The following RPH3A variants were observed in gnomAD, a reference collection of about 807,000 sequenced individuals.
RPH3A encodes rabphilin 3A, also known as rabphilin-3A.
In RPH3A, 48 loss-of-function variants were observed where a neutral mutation model predicts 102.2. The observed-to-expected ratio is 0.47, with a 90% confidence interval of 0.37 to 0.60. The LOEUF (loss-of-function observed/expected upper bound fraction) is 0.60. Among genes scored for constraint, RPH3A ranks in the 20% least tolerant of loss-of-function variants. RPH3A has a pLI of 0.00. For synonymous variants in RPH3A, 310 were observed against 324.3 expected, an observed-to-expected ratio of 0.96 and a Z score of 0.47; for missense variants, 781 against 910.1, an observed-to-expected ratio of 0.86 and a Z score of 1.83.
chr12:112,781,184 A>G (rs2041004601), intron 1 of RPH3A, among the ~76,000 whole-genome samples: 1 of 116,730 alleles, frequency 8.6e-6, no homozygotes, highest in Non-Finnish European at 1.8e-5. Context: ...AAACAAACAA[A>G]AAAACCAAAA....
intron 11 of RPH3A, 144 bp from the exon 12 acceptor site, chr12:112,875,535 C>A: frequency 3.0e-6 from 2 of 670,062 alleles, no homozygotes; most frequent in South Asian, 3.8e-5. Context: ...AAGCTCCTCT[C>A]CCAGTGGGAC....
At chr12:112,596,720 A>C (rs1331615036) in intron 1 of RPH3A, among the ~76,000 whole-genome samples, 1 of 152,174 alleles carries the variant, frequency 6.6e-6, no homozygotes, top group Non-Finnish European at 1.5e-5. Flanking sequence ...TATCTATATA[A>C]ATTTTAGAAT....
At chr12:112,678,309 GAGAGAGAGAAAGAAA>G (rs1376647437) in intron 1 of RPH3A, among the ~76,000 whole-genome samples, 3 of 120,620 alleles carry the variant, frequency 2.5e-5, no homozygotes, top group Admixed American at 1.5e-4. Flanking sequence ...AAGAAAGAGA[GAGAGAGAGAAAGAAA>G]GAAAGAAGGA....
intron 1 of RPH3A, among the ~76,000 whole-genome samples, chr12:112,738,825 C>T (rs1195323987): frequency 6.6e-6 from 1 of 152,186 alleles, no homozygotes; most frequent in East Asian, 1.9e-4. Flanking sequence ...TCCCTTTTGC[C>T]TTCCAAACCA....
At chr12:112,796,981 T>C (rs751106222) in intron 2 of RPH3A, among the ~76,000 whole-genome samples, 3 of 151,836 alleles carry the variant, frequency 2.0e-5, no homozygotes, top group Admixed American at 1.3e-4. Flanking sequence ...ACCCGGGAGA[T>C]AGAGGTTACA....
chr12:112,756,732 C>G (rs1026746116), intron 1 of RPH3A, among the ~76,000 whole-genome samples: 3 of 152,120 alleles, frequency 2.0e-5, no homozygotes, highest in Non-Finnish European at 2.9e-5. Context: ...TCATTTTGTG[C>G]AAGTCCAAAC....
intron 3 of RPH3A, among the ~76,000 whole-genome samples, chr12:112,829,267 C>CTT (rs11299010): frequency 2.0e-5 from 3 of 148,288 alleles, no homozygotes; most frequent in African/African-American, 7.4e-5. Context: ...AAGAGAAAGG[C>CTT]TTTTTTTTTT....
chr12:112,877,580 G>A (rs551854283), intron 13 of RPH3A, among the ~76,000 whole-genome samples: 2 of 152,034 alleles, frequency 1.3e-5, no homozygotes, highest in South Asian at 4.2e-4. Context: ...ATTACCAGTT[G>A]TTTCTGATCA....
intron 1 of RPH3A, among the ~76,000 whole-genome samples, chr12:112,742,505 G>A (rs1271689749): frequency 6.6e-6 from 1 of 152,154 alleles, no homozygotes; most frequent in African/African-American, 2.4e-5. Flanking sequence ...TGAGATTGAT[G>A]AGAGCTGAGG....
intron 1 of RPH3A, among the ~76,000 whole-genome samples, chr12:112,641,093 TCTC>T (rs1392231554): frequency 6.6e-6 from 1 of 152,186 alleles, no homozygotes; most frequent in Non-Finnish European, 1.5e-5. Flanking sequence ...TGGCCATAAA[TCTC>T]CTAATCAGAC....
At chr12:112,802,727 C>T (rs1188134418) in intron 2 of RPH3A, among the ~76,000 whole-genome samples, 2 of 151,924 alleles carry the variant, frequency 1.3e-5, no homozygotes, top group East Asian at 1.9e-4. Context: ...GTGGAGAGAC[C>T]CTGCTCCCAT....
At chr12:112,836,805 T>C (rs1009143872) in intron 4 of RPH3A, among the ~76,000 whole-genome samples, 4 of 152,236 alleles carry the variant, frequency 2.6e-5, no homozygotes, top group Non-Finnish European at 4.4e-5. Context: ...AGTGCCCTTG[T>C]TTCTGCAGCA....
Position 112,847,729 on chromosome 12 carries a change from T to G in RPH3A, c.117T>G (p.Gly39=). 1 of 1,614,154 alleles carries G rather than the reference T, an allele frequency of 6.2e-7. No individual in the cohort carries two copies. Among genetic ancestry groups the G allele is most frequent in the Non-Finnish European group, 8.5e-7 (1 of 1,180,018 alleles). ...CAGGCTGGTCCGTCCACCCCGGTGGTCAGCCTGACAGGCAGAGGAAGCAGG... is the reference window on the plus strand; with the variant it reads ...CAGGCTGGTCCGTCCACCCCGGTGGGCAGCCTGACAGGCAGAGGAAGCAGG... ...LQAGWSVHPG[G]QPDRQRKQEE... The change falls in exon 5 of 22, where the codon GGT becomes GGG. Residue 39 remains glycine (G), a synonymous_variant. Transcript: ENST00000389385.
At chr12:112,722,107 G>GA (rs2040555752) in intron 1 of RPH3A, among the ~76,000 whole-genome samples, 1 of 152,208 alleles carries the variant, frequency 6.6e-6, no homozygotes, top group South Asian at 2.1e-4. Context: ...CATTTACAGA[G>GA]GAGAAGACTC....
rs577395379 is a variant in RPH3A, at chr12:112,845,850, G to C, written c.84-1846G>C. ...AAAATTTAAAAGATAACTTCAGCTA[G>C]AGATGGGTGCAATGGAGAAAGTGAA... On this transcript the variant is annotated intron_variant, in intron 4 of 21. Coordinates refer to ENST00000389385, the MANE Select transcript of RPH3A (RefSeq NM_001143854.2). 7.2e-5 allele frequency among the ~76,000 whole-genome samples: 11 copies of C among 152,276 alleles called. No homozygotes were observed. In the South Asian group the frequency reaches 1.7e-3, roughly 23 times the overall value.
intron 5 of RPH3A, among the ~76,000 whole-genome samples, chr12:112,851,089 C>T (rs1481100179): frequency 6.6e-6 from 1 of 152,198 alleles, no homozygotes; most frequent in Non-Finnish European, 1.5e-5. Context: ...TATGAAATCA[C>T]TGTTGATAAA....
chr12:112,866,871 A>T (rs753660234), intron 7 of RPH3A, 31 bp downstream of exon 7: 65 of 1,561,634 alleles, frequency 4.2e-5, no homozygotes, highest in Non-Finnish European at 5.4e-5. Flanking sequence ...TGGTGCCTAG[A>T]TCACCCTCCT....
chr12:112,666,263 G>A (rs1411490672), intron 1 of RPH3A, among the ~76,000 whole-genome samples: 1 of 152,182 alleles, frequency 6.6e-6, no homozygotes, highest in African/African-American at 2.4e-5. Flanking sequence ...TGTGGTGCCA[G>A]GGGCATTTTA....
At chr12:112,602,229 G>A (rs1352340967) in intron 1 of RPH3A, among the ~76,000 whole-genome samples, 3 of 152,098 alleles carry the variant, frequency 2.0e-5, no homozygotes, top group Non-Finnish European at 4.4e-5. Context: ...CTTTAACCAA[G>A]TCCTTTAACC....
Sources: allele counts gnomAD v4.1 joint callset (sites outside exome capture counted in the v4.1 genomes callset), GRCh38; gene constraint gnomAD v4.1.1; transcripts MANE v1.5; gene names NCBI Gene and HGNC (gene_info 2026-07-23, HGNC 2026-07-21).